Variants in UST observed in about 807,000 individuals in gnomAD.
UST encodes uronyl 2-sulfotransferase.
Under a neutral mutation model 45.6 loss-of-function variants are expected in UST, and 21 were observed. The ratio of observed to expected loss-of-function variants is 0.46; its 90% CI spans 0.33 to 0.66. UST has a LOEUF of 0.66. Among genes scored for constraint, UST ranks in the 30% least tolerant of loss-of-function variants. UST has a pLI of 0.02. For synonymous variants in UST, 215 were observed against 200.6 expected, an observed-to-expected ratio of 1.07 and a Z score of -0.61; for missense variants, 463 against 512.4, an observed-to-expected ratio of 0.90 and a Z score of 0.93.
At position 149,008,533 on chromosome 6, in the gene UST, G is replaced by GT. The variant is rs1189119569; in HGVS notation, c.682-10604dup. Among the ~76,000 whole-genome samples the GT allele has an allele frequency of 5.3e-5, 8 of 152,284 alleles. No homozygotes were observed. In the East Asian group the frequency reaches 1.5e-3, roughly 29 times the overall value. On this transcript the variant is annotated intron_variant, in intron 5 of 7. Transcript: ENST00000367463. ...ACGCAACAGTGAGCAGAAAAACAAGGTTGAAACCCTTGTACCTGGGAGAAG... is the reference window on the plus strand; with the variant it reads ...ACGCAACAGTGAGCAGAAAAACAAGGTTTGAAACCCTTGTACCTGGGAGAAG...
intron 5 of UST, among the ~76,000 whole-genome samples, chr6:148,970,366 C>T (rs541696128): frequency 6.6e-6 from 1 of 152,320 alleles, no homozygotes; most frequent in South Asian, 2.1e-4. Flanking sequence ...AGGGTGTCCG[C>T]CCTCACAGCC....
chr6:148,877,401 GTGTATGAGTGCGGGGGT>G (rs1778692027), intron 1 of UST, among the ~76,000 whole-genome samples: 3 of 33,826 alleles, frequency 8.9e-5, no homozygotes, highest in African/African-American at 5.3e-4. Flanking sequence ...TGCGGGGGTC[GTGTATGAGTGCGGGGGT>G]CGTGTATGAG....
chr6:148,838,181 G>A (rs1479406535), intron 1 of UST, among the ~76,000 whole-genome samples: 4 of 152,210 alleles, frequency 2.6e-5, no homozygotes, highest in East Asian at 1.9e-4. Context: ...AGGAGGGGCC[G>A]TATGGGCGAA....
In UST at chr6:148,754,185, A is replaced by G. The variant is rs1183627834; in HGVS notation, c.247+6508A>G. ...AATTTTTTTGTATTTTTTAGTAGAGATGGGGTTTCACTGTGTTAGCCAGGA... is the reference window on the plus strand; with the variant it reads ...AATTTTTTTGTATTTTTTAGTAGAGGTGGGGTTTCACTGTGTTAGCCAGGA... On this transcript the variant is annotated intron_variant, in intron 1 of 7. Coordinates refer to ENST00000367463, the MANE Select transcript of UST (RefSeq NM_005715.3). 2.0e-5 allele frequency among the ~76,000 whole-genome samples: 3 copies of G among 151,788 alleles called. No individual in the cohort carries two copies. The South Asian group carries it at 6.3e-4, about 32-fold the overall frequency.
At chr6:148,815,727 A>G (rs898613768) in intron 1 of UST, among the ~76,000 whole-genome samples, 4 of 152,204 alleles carry the variant, frequency 2.6e-5, no homozygotes, top group African/African-American at 9.6e-5. Flanking sequence ...GGAGAAAATG[A>G]GTTCGGGTTT....
intron 1 of UST, among the ~76,000 whole-genome samples, chr6:148,849,067 C>G (rs1778054304): frequency 6.6e-6 from 1 of 152,144 alleles, no homozygotes; most frequent in African/African-American, 2.4e-5. Flanking sequence ...GCCCTTCCTC[C>G]TCCTTTTTGT....
chr6:148,939,709 A>T (rs1170361256), intron 2 of UST, among the ~76,000 whole-genome samples: 1 of 152,226 alleles, frequency 6.6e-6, no homozygotes, highest in Non-Finnish European at 1.5e-5. Flanking sequence ...CCACACACAA[A>T]AGTAACTTAA....
intron 1 of UST, among the ~76,000 whole-genome samples, chr6:148,779,026 T>C (rs937253419): frequency 2.6e-5 from 4 of 152,156 alleles, no homozygotes; most frequent in Non-Finnish European, 4.4e-5. Flanking sequence ...GCCATAGCTG[T>C]GGCTGTCCTT....
chr6:148,944,313 A>G (rs981727829), intron 3 of UST, among the ~76,000 whole-genome samples: 1 of 152,146 alleles, frequency 6.6e-6, no homozygotes, highest in Admixed American at 6.5e-5. Context: ...CTGGGACTTT[A>G]TCCACCGTGT....
chr6:148,858,783 T>C lies in UST; in HGVS notation c.248-28203T>C, dbSNP rs9688378. Among the ~76,000 whole-genome samples the C allele has an allele frequency of 3.4e-3, 515 of 152,318 alleles. 6 individuals carry two copies. The highest frequency in any genetic ancestry group is 0.012 in the African/African-American group (485 of 41,570). On this transcript the variant is annotated intron_variant, in intron 1 of 7. Coordinates refer to ENST00000367463, the MANE Select transcript of UST (RefSeq NM_005715.3). ...TGTCCTTGCAACAGTTTGCTCAGAA[T>C]GATCGTTTCCAGCTTCATCCATGTC...
At chr6:148,919,255 G>A (rs1486832248) in intron 2 of UST, among the ~76,000 whole-genome samples, 1 of 152,168 alleles carries the variant, frequency 6.6e-6, no homozygotes, top group Non-Finnish European at 1.5e-5. Context: ...CTGCCACTGA[G>A]CGCCTTCCAA....
intron 3 of UST, among the ~76,000 whole-genome samples, chr6:148,951,221 G>A (rs765958061): frequency 1.3e-5 from 2 of 152,158 alleles, no homozygotes; most frequent in African/African-American, 2.4e-5. Flanking sequence ...ATGGGAGTCC[G>A]GGAAAGAGCT....
chr6:148,791,273 G>A (rs1479772545), intron 1 of UST, among the ~76,000 whole-genome samples: 3 of 152,192 alleles, frequency 2.0e-5, no homozygotes, highest in Admixed American at 2.0e-4. Flanking sequence ...GAGTGCTGAG[G>A]TTGAGAAACT....
intron 4 of UST, among the ~76,000 whole-genome samples, chr6:148,954,200 C>G (rs1780432544): frequency 6.6e-6 from 1 of 152,132 alleles, no homozygotes; most frequent in Non-Finnish European, 1.5e-5. Context: ...CCTAATAGCT[C>G]TTTTTTAAAA....
rs538695530 is a variant in UST, at chr6:148,798,419, C to A, written c.247+50742C>A. 5.9e-5 allele frequency among the ~76,000 whole-genome samples: 9 copies of A among 152,140 alleles called. No individual in the cohort carries two copies. The East Asian group carries it at 7.7e-4, about 13-fold the overall frequency. On this transcript the variant is annotated intron_variant, in intron 1 of 7. Coordinates refer to ENST00000367463, the MANE Select transcript of UST (RefSeq NM_005715.3). ...TTTGGGGAAGGCTGAGTTTGTGGTG[C>A]AGGTGGGTTGGGTTTTCTCAGAGGA...
At chr6:148,803,947 A>G (rs9403986) in intron 1 of UST, among the ~76,000 whole-genome samples, 39,354 of 151,892 alleles carry the variant, frequency 0.26, 5,394 homozygotes, top group East Asian at 0.4. Flanking sequence ...CTTTCCTAGC[A>G]CTCCATCATC....
chr6:148,759,140 A>T (rs571724384), intron 1 of UST, among the ~76,000 whole-genome samples: 16 of 152,032 alleles, frequency 1.1e-4, no homozygotes, highest in East Asian at 9.7e-4. Flanking sequence ...GTTCCTTAGG[A>T]CCCTCATCCA....
intron 2 of UST, among the ~76,000 whole-genome samples, chr6:148,926,161 C>T (rs748692434): frequency 3.3e-5 from 5 of 152,124 alleles, no homozygotes; most frequent in South Asian, 2.1e-4. Flanking sequence ...TTTTGATCAT[C>T]GATACAGCAT....
chr6:148,781,408 C>T lies in UST; in HGVS notation c.247+33731C>T, dbSNP rs145102722. Among the ~76,000 whole-genome samples the T allele has an allele frequency of 1.4e-3, 216 of 152,214 alleles. 1 individual carries two copies. The highest frequency in any genetic ancestry group is 4.3e-3 in the African/African-American group (178 of 41,516). The stretch of plus-strand genomic sequence containing the variant: ...AGCAAGGTCCTAACTCTCTTCAGTT[C>T]TATGAAGGCTGAGAGAGGTGAGGAA... On this transcript the variant is annotated intron_variant, in intron 1 of 7. Transcript: ENST00000367463.
Sources: gnomAD v4.1 joint callset for allele counts (sites outside exome capture counted in the v4.1 genomes callset) on GRCh38, gnomAD v4.1.1 for gene constraint, MANE v1.5 for transcripts, NCBI Gene and HGNC (gene_info 2026-07-23, HGNC 2026-07-21) for gene names.